Variants in GDAP1 observed in about 807,000 individuals in gnomAD.
The protein encoded by GDAP1 is ganglioside induced differentiation associated protein 1.
In GDAP1, 34 loss-of-function variants were observed where a neutral mutation model predicts 40.1. The observed-to-expected ratio is 0.85, with a 90% CI of 0.64 to 1.13. GDAP1 has a LOEUF of 1.13. Ranked by LOEUF, GDAP1 falls within the 50% of genes most tolerant of loss-of-function variation. The pLI is 0.00. For missense variants in GDAP1, 374 were observed against 433.7 expected, an observed-to-expected ratio of 0.86 and a Z score of 1.22; for synonymous variants, 170 against 157.4, an observed-to-expected ratio of 1.08 and a Z score of -0.60.
rs371456473 is a variant in GDAP1, at chr8:74,479,683, C to A, written c.166-8995C>A. ...AGCTCAGCTAATCCTGCTAGGTTCTCGCCTATGTGTGTAGCCAGCTGGTAG... is the reference window on the plus strand; with the variant it reads ...AGCTCAGCTAATCCTGCTAGGTTCTAGCCTATGTGTGTAGCCAGCTGGTAG... On this transcript the variant is annotated intron_variant, in intron 2 of 2. Coordinates refer to the GDAP1 transcript ENST00000523640. Among the ~76,000 whole-genome samples, 47 of 152,210 alleles carry A rather than the reference C, an allele frequency of 3.1e-4. No individual in the cohort carries two copies. The East Asian group carries it at 4.4e-3, about 14-fold the overall frequency.
chr8:74,401,251 T>A (rs1284512138), intron 2 of GDAP1, among the ~76,000 whole-genome samples: 6 of 148,986 alleles, frequency 4.0e-5, no homozygotes, highest in African/African-American at 7.8e-5. Context: ...TTTGTTCGTT[T>A]CTTTTCATTC....
At chr8:74,488,623 A>G (rs1316612806) in intron 2 of GDAP1, 1 of 152,266 alleles carries the variant, frequency 6.6e-6, no homozygotes, top group East Asian at 1.9e-4. Context: ...AATGCTGAAG[A>G]CTATGATTTA....
chr8:74,439,991 G>A (rs1224145864), intron 2 of GDAP1, among the ~76,000 whole-genome samples: 1 of 151,958 alleles, frequency 6.6e-6, no homozygotes, highest in Admixed American at 6.6e-5. Flanking sequence ...CTACTTTGGA[G>A]TATCTAGTCA....
Position 74,365,095 on chromosome 8 carries a change from C to T in GDAP1, c.*728C>T. 1 of 454,038 alleles carries T rather than the reference C, an allele frequency of 2.2e-6. No individual in the cohort carries two copies. The highest frequency in any genetic ancestry group is 1.6e-5 in the South Asian group (1 of 64,466). 28.1% of individuals were successfully genotyped at this position (454,038 alleles called of 1,614,324 possible). A position where few individuals can be genotyped will look rare whatever the true frequency, so the allele number is the denominator to read the frequency against. On this transcript the variant is annotated 3_prime_UTR_variant, in exon 6 of 6. Coordinates refer to ENST00000220822, the MANE Select transcript of GDAP1 (RefSeq NM_018972.4). ...AGTCAGTGGGAGGTAGAAAGGGTGG[C>T]ATCTGTAGCCCTCTTCATACACATA...
rs1312459583 is a variant in GDAP1, at chr8:74,403,268, A to T, written c.165+51947A>T. Among the ~76,000 whole-genome samples, 2 of 150,224 alleles carry T rather than the reference A, an allele frequency of 1.3e-5. 1 individual carries two copies. The highest frequency in any genetic ancestry group is 5.1e-5 in the African/African-American group (2 of 39,506). On this transcript the variant is annotated intron_variant, in intron 2 of 2. Transcript: ENST00000523640. ...AAGGTTTATTAGTATTGGAGTCTCCATCCTACCAATTTCATTACAGTATTG... is the reference window on the plus strand; with the variant it reads ...AAGGTTTATTAGTATTGGAGTCTCCTTCCTACCAATTTCATTACAGTATTG...
intron 2 of GDAP1, among the ~76,000 whole-genome samples, chr8:74,391,008 T>G (rs1810100009): frequency 6.6e-6 from 1 of 152,136 alleles, no homozygotes; most frequent in Non-Finnish European, 1.5e-5. Flanking sequence ...TACTCAAGCC[T>G]CAGTAATGGC....
chr8:74,411,631 C>T (rs1046236340), intron 2 of GDAP1, among the ~76,000 whole-genome samples: 1 of 148,042 alleles, frequency 6.8e-6, no homozygotes, highest in Non-Finnish European at 1.5e-5. Context: ...CTTGCAATCC[C>T]AGTACTTTGG....
intron 2 of GDAP1, among the ~76,000 whole-genome samples, chr8:74,402,020 G>C (rs1810351500): frequency 6.7e-6 from 1 of 150,254 alleles, no homozygotes; most frequent in South Asian, 2.1e-4. Flanking sequence ...CCCACTTGAG[G>C]AGGCAGTCTG....
At chr8:74,440,856 A>G (rs544384404) in intron 2 of GDAP1, among the ~76,000 whole-genome samples, 1 of 152,166 alleles carries the variant, frequency 6.6e-6, no homozygotes, top group Admixed American at 6.6e-5. Flanking sequence ...CAGCAGAGAC[A>G]GTTGCTCTAT....
At chr8:74,434,697 A>G (rs1336319469) in intron 2 of GDAP1, among the ~76,000 whole-genome samples, 1 of 152,216 alleles carries the variant, frequency 6.6e-6, no homozygotes, top group Non-Finnish European at 1.5e-5. Flanking sequence ...AAGAGTAATC[A>G]TAATTTCACA....
intron 3 of GDAP1, among the ~76,000 whole-genome samples, 173 bp downstream of exon 3, chr8:74,360,483 C>T (rs945921113): frequency 6.6e-6 from 1 of 152,194 alleles, no homozygotes; most frequent in African/African-American, 2.4e-5. Context: ...TTAATCTGTG[C>T]TTCACTTGCT....
chr8:74,369,348 A>G (rs1266550043), downstream of GDAP1, among the ~76,000 whole-genome samples: 1 of 152,242 alleles, frequency 6.6e-6, no homozygotes, highest in Non-Finnish European at 1.5e-5. Context: ...AGCAGCTAAC[A>G]GGCAATATAT....
intron 2 of GDAP1, among the ~76,000 whole-genome samples, chr8:74,418,076 T>C (rs570921057): frequency 6.6e-6 from 1 of 152,320 alleles, no homozygotes; most frequent in East Asian, 1.9e-4. Context: ...TTTTCATGGA[T>C]TGGGAATCTC....
chr8:74,486,636 G>C (rs963695435), intron 2 of GDAP1, among the ~76,000 whole-genome samples: 2 of 152,164 alleles, frequency 1.3e-5, no homozygotes, highest in Non-Finnish European at 2.9e-5. Flanking sequence ...ATGAAGCACA[G>C]TGGCTTCACT....
chr8:74,383,829 T>C (rs923426458), intron 2 of GDAP1, among the ~76,000 whole-genome samples: 2 of 152,156 alleles, frequency 1.3e-5, no homozygotes, highest in Admixed American at 1.3e-4. Context: ...TCAAAATCTA[T>C]GAAATGCCAG....
chr8:74,416,575 A>C (rs938505579), intron 2 of GDAP1, among the ~76,000 whole-genome samples: 2 of 150,152 alleles, frequency 1.3e-5, no homozygotes, highest in Non-Finnish European at 2.9e-5. Flanking sequence ...CCAGTGCACT[A>C]AGGCTATTTA....
intron 2 of GDAP1, among the ~76,000 whole-genome samples, chr8:74,418,732 A>T (rs1478279076): frequency 6.6e-6 from 1 of 152,232 alleles, no homozygotes; most frequent in African/African-American, 2.4e-5. Context: ...AAGTGTTAAG[A>T]CAAGGAAAAG....
Position 74,485,468 on chromosome 8 carries a change from T to C in GDAP1, c.166-3210T>C, listed in dbSNP as rs1473432580. ...TTTGGGTGATAGATTAGGTGGTCCCTCGGCATATGAGGCACAATTCTTGCT... is the reference window on the plus strand; with the variant it reads ...TTTGGGTGATAGATTAGGTGGTCCCCCGGCATATGAGGCACAATTCTTGCT... On this transcript the variant is annotated intron_variant, in intron 2 of 2. Transcript: ENST00000523640. 4.6e-5 allele frequency among the ~76,000 whole-genome samples: 7 copies of C among 152,288 alleles called. No homozygotes were observed. In the East Asian group the frequency reaches 1.3e-3, roughly 29 times the overall value.
chr8:74,397,572 A>G (rs956375291), intron 2 of GDAP1, among the ~76,000 whole-genome samples: 1 of 152,158 alleles, frequency 6.6e-6, no homozygotes, highest in Non-Finnish European at 1.5e-5. Flanking sequence ...CTTTCTACAT[A>G]TGGCTAGCCA....
Sources: gnomAD v4.1 joint callset for allele counts (sites outside exome capture counted in the v4.1 genomes callset) on GRCh38, gnomAD v4.1.1 for gene constraint, MANE v1.5 for transcripts, NCBI Gene and HGNC (gene_info 2026-07-23, HGNC 2026-07-21) for gene names.